NTM: variants seen among roughly 807,000 people sequenced by gnomAD.
NTM encodes neurotrimin.
In NTM, 13 loss-of-function variants were observed where a neutral mutation model predicts 42.1. The observed-to-expected ratio is 0.31, with a 90% CI of 0.20 to 0.49. The LOEUF is 0.49. NTM is among the 20% of genes least tolerant of loss of function. The pLI, the probability that NTM is intolerant of heterozygous loss-of-function variation, is 0.99. For missense variants in NTM, 373 were observed against 452.8 expected (o/e 0.82, Z 1.60); for synonymous variants, 187 against 179.2 (o/e 1.04, Z -0.35).
chr11:131,890,610 A>G lies in NTM; in HGVS notation c.83-20954A>G, dbSNP rs576436603. On this transcript the variant is annotated intron_variant, in intron 1 of 8. Coordinates refer to ENST00000683400, the MANE Select transcript of NTM (RefSeq NM_001352005.2). The stretch of plus-strand genomic sequence containing the variant: ...ATTGATTTTCTGGGTTTTTTTTCTA[A>G]TGTATGAAAGCAGAATTCTCTGAAC... Among the ~76,000 whole-genome samples the G allele has an allele frequency of 5.4e-4, 82 of 152,162 alleles. 1 individual carries two copies. Among genetic ancestry groups the G allele is most frequent in the Admixed American group, 1.1e-3 (17 of 15,278 alleles).
chr11:131,426,490 C>A (rs1261517494), intron 1 of NTM, among the ~76,000 whole-genome samples: 1 of 152,136 alleles, frequency 6.6e-6, no homozygotes, highest in African/African-American at 2.4e-5. Context: ...TTGTACTGAG[C>A]AACTGTGAAT....
intron 1 of NTM, among the ~76,000 whole-genome samples, chr11:131,471,137 G>A (rs1234486830): frequency 6.6e-6 from 1 of 152,170 alleles, no homozygotes; most frequent in Non-Finnish European, 1.5e-5. Context: ...TCATACATGA[G>A]TATTGTCAGC....
intron 2 of NTM, among the ~76,000 whole-genome samples, chr11:132,069,798 C>A (rs1431592619): frequency 6.7e-6 from 1 of 150,134 alleles, no homozygotes; most frequent in Non-Finnish European, 1.5e-5. Flanking sequence ...TTAGTTAACA[C>A]GTCACACAGC....
chr11:132,128,140 G>A (rs1226871668), intron 2 of NTM, among the ~76,000 whole-genome samples: 6 of 152,206 alleles, frequency 3.9e-5, no homozygotes, highest in Admixed American at 1.3e-4. Context: ...CAGGACGCTG[G>A]AGAGGAGAAG....
chr11:131,837,905 G>C (rs2043718856), intron 1 of NTM, among the ~76,000 whole-genome samples: 1 of 152,142 alleles, frequency 6.6e-6, no homozygotes, highest in African/African-American at 2.4e-5. Flanking sequence ...TGTAATACCA[G>C]GTTTTATACT....
chr11:132,311,734 A>T lies in NTM; in HGVS notation c.782+1502A>T, dbSNP rs138089470. 1.2e-4 allele frequency among the ~76,000 whole-genome samples: 18 copies of T among 152,278 alleles called. No homozygotes were observed. In the East Asian group the frequency reaches 3.3e-3, roughly 28 times the overall value. ...GAAAAGTCATCAGCTGCGTCCTATTATTCCAATTCTTTATTGGAGAAAAAT... is the reference window on the plus strand; with the variant it reads ...GAAAAGTCATCAGCTGCGTCCTATTTTTCCAATTCTTTATTGGAGAAAAAT... On this transcript the variant is annotated intron_variant, in intron 6 of 8. Transcript: ENST00000683400.
intron 1 of NTM, among the ~76,000 whole-genome samples, chr11:131,793,832 G>A (rs1253064737): frequency 6.6e-6 from 1 of 152,170 alleles, no homozygotes; most frequent in Non-Finnish European, 1.5e-5. Context: ...CGGGCTGAGG[G>A]CCAGCTCTAC....
intron 1 of NTM, among the ~76,000 whole-genome samples, chr11:131,543,427 A>G (rs2053536773): frequency 6.6e-6 from 1 of 152,178 alleles, no homozygotes. Flanking sequence ...CTTTCCCAAG[A>G]CCCACAGAAG....
chr11:131,519,230 T>G (rs988205878), intron 1 of NTM, among the ~76,000 whole-genome samples: 2 of 152,206 alleles, frequency 1.3e-5, no homozygotes, highest in Admixed American at 6.5e-5. Flanking sequence ...CTTCTCCCAT[T>G]TGAGGCTTCA....
rs554705417 is a variant in NTM, at chr11:132,031,284, G to A, written c.168-114998G>A. ...TCTTTTTGTAAAGGGAAGTCATTAA[G>A]TCATATTGATCTGACAAGTGACTTG... On this transcript the variant is annotated intron_variant, in intron 2 of 8. Coordinates refer to ENST00000683400, the MANE Select transcript of NTM (RefSeq NM_001352005.2). 5.9e-5 allele frequency among the ~76,000 whole-genome samples: 9 copies of A among 152,312 alleles called. No individual in the cohort carries two copies. The South Asian group carries it at 1.9e-3, about 32-fold the overall frequency.
At chr11:132,193,121 T>G (rs905784091) in intron 3 of NTM, among the ~76,000 whole-genome samples, 4 of 152,018 alleles carry the variant, frequency 2.6e-5, no homozygotes, top group African/African-American at 9.7e-5. Flanking sequence ...AAAGATACAC[T>G]GACAAACATG....
chr11:132,144,039 T>C (rs980300008), intron 2 of NTM, among the ~76,000 whole-genome samples: 5 of 152,210 alleles, frequency 3.3e-5, no homozygotes, highest in African/African-American at 1.2e-4. Flanking sequence ...AAAATGCAGA[T>C]TCAAATTTCT....
chr11:132,165,202 C>T (rs2075077710), intron 3 of NTM, among the ~76,000 whole-genome samples: 1 of 152,160 alleles, frequency 6.6e-6, no homozygotes, highest in South Asian at 2.1e-4. Flanking sequence ...TTAAACAAAT[C>T]ATCTTGCCCC....
At chr11:131,567,339 T>G (rs1382289019) in intron 1 of NTM, among the ~76,000 whole-genome samples, 1 of 151,878 alleles carries the variant, frequency 6.6e-6, no homozygotes, top group African/African-American at 2.4e-5. Context: ...ATACAAAAAT[T>G]AGCCGGGCGT....
At chr11:132,122,379 C>T (rs182730799) in intron 2 of NTM, among the ~76,000 whole-genome samples, 81 of 152,304 alleles carry the variant, frequency 5.3e-4, no homozygotes, top group Non-Finnish European at 1.0e-3. Flanking sequence ...TTTATTTCAA[C>T]AACTCTGTAG....
At chr11:132,288,868 G>A (rs1237425372) in intron 4 of NTM, among the ~76,000 whole-genome samples, 4 of 152,082 alleles carry the variant, frequency 2.6e-5, no homozygotes, top group South Asian at 2.1e-4. Context: ...TGATCCACCC[G>A]CCTCAGCCTC....
chr11:131,389,152 C>A (rs1943705653), intron 1 of NTM, among the ~76,000 whole-genome samples: 1 of 152,210 alleles, frequency 6.6e-6, no homozygotes, highest in Admixed American at 6.5e-5. Flanking sequence ...ATTCACATGA[C>A]CCTGAGTGAG....
At chr11:132,299,332 A>G (rs2094749370) in intron 4 of NTM, among the ~76,000 whole-genome samples, 1 of 152,118 alleles carries the variant, frequency 6.6e-6, no homozygotes, top group Non-Finnish European at 1.5e-5. Flanking sequence ...AATACTATTC[A>G]TTTGCATTTC....
chr11:131,779,472 G>A (rs993186081), intron 1 of NTM, among the ~76,000 whole-genome samples: 1 of 151,950 alleles, frequency 6.6e-6, no homozygotes, highest in Non-Finnish European at 1.5e-5. Context: ...TATTTTTTAA[G>A]CACCAGCAAT....
Sources: allele counts gnomAD v4.1 joint callset (sites outside exome capture counted in the v4.1 genomes callset), GRCh38; gene constraint gnomAD v4.1.1; transcripts MANE v1.5; gene names NCBI Gene and HGNC (gene_info 2026-07-23, HGNC 2026-07-21).